SLC20A2: variants seen among roughly 807,000 people sequenced by gnomAD.
SLC20A2 encodes solute carrier family 20 member 2.
SLC20A2 carries 30 observed loss-of-function variants against 61.0 expected under a neutral mutation model. The observed-to-expected ratio is 0.49, with a 90% CI of 0.37 to 0.67. The LOEUF (loss-of-function observed/expected upper bound fraction) is 0.67. SLC20A2 is among the 30% of genes least tolerant of loss of function. The pLI is 0.00. For synonymous variants in SLC20A2, 351 were observed against 353.3 expected (o/e 0.99, Z 0.07); for missense variants, 626 against 866.4 (o/e 0.72, Z 3.48).
intron 1 of SLC20A2, among the ~76,000 whole-genome samples, chr8:42,525,354 G>C (rs1310588243): frequency 6.6e-6 from 1 of 152,066 alleles, no homozygotes; most frequent in African/African-American, 2.4e-5. Flanking sequence ...GACCGAGGTG[G>C]GTGGATCACT....
chr8:42,472,759 G>T lies in SLC20A2; in HGVS notation c.-264-105C>A. On this transcript the variant is annotated intron_variant, in intron 1 of 10. Coordinates refer to ENST00000520262, the MANE Select transcript of SLC20A2 (RefSeq NM_001257180.2). The surrounding 1 kb of genome is among the most constrained non-coding windows in gnomAD (Gnocchi z 4.1). ...AAGCCTGCTAATGGGATCTAACTTTGGCATGTGACGGACCTAACCATAAAG... is the reference window on the plus strand; with the variant it reads ...AAGCCTGCTAATGGGATCTAACTTTTGCATGTGACGGACCTAACCATAAAG... The T allele has an allele frequency of 5.5e-6, 1 of 181,574 alleles. No homozygotes were observed. The highest frequency in any genetic ancestry group is 1.2e-5 in the Non-Finnish European group (1 of 85,702). The allele number at this position is 181,574 out of a possible 1,614,324, so 11.2% of individuals were successfully genotyped here.
At chr8:42,449,984 C>T (rs1805515497) in intron 5 of SLC20A2, among the ~76,000 whole-genome samples, 1 of 152,238 alleles carries the variant, frequency 6.6e-6, no homozygotes, top group South Asian at 2.1e-4. Flanking sequence ...TGTGCACACA[C>T]ATGCACACAC....
intron 1 of SLC20A2, among the ~76,000 whole-genome samples, chr8:42,527,306 A>G: frequency 6.6e-6 from 1 of 151,358 alleles, no homozygotes; most frequent in East Asian, 1.9e-4. Context: ...GGGGAGGCTG[A>G]GCTTGCGGTG....
intron 1 of SLC20A2, among the ~76,000 whole-genome samples, chr8:42,473,664 G>C (rs377519384): frequency 2.6e-5 from 4 of 152,294 alleles, no homozygotes; most frequent in African/African-American, 9.6e-5. Context: ...AAATGTCACT[G>C]CAAGCTTCGT....
At chr8:42,533,654 C>CTTT (rs1162369065) in intron 1 of SLC20A2, among the ~76,000 whole-genome samples, 835 of 55,302 alleles carry the variant, frequency 0.015, 73 homozygotes, top group African/African-American at 0.058. Context: ...ATCAACTGTT[C>CTTT]TTTTTTTTTT....
chr8:42,530,775 G>A (rs1416263971), intron 1 of SLC20A2, among the ~76,000 whole-genome samples: 1 of 152,174 alleles, frequency 6.6e-6, no homozygotes, highest in Non-Finnish European at 1.5e-5. Context: ...GAGTGCAGTG[G>A]CATGATCTCA....
At chr8:42,523,160 G>A (rs540097252) in intron 1 of SLC20A2, among the ~76,000 whole-genome samples, 61 of 152,148 alleles carry the variant, frequency 4.0e-4, no homozygotes, top group African/African-American at 1.4e-3. Context: ...GTGAAACCCC[G>A]TCTCTACTAA....
chr8:42,529,905 A>G (rs1276131294), intron 1 of SLC20A2, among the ~76,000 whole-genome samples: 4 of 152,262 alleles, frequency 2.6e-5, no homozygotes, highest in African/African-American at 4.8e-5. Flanking sequence ...CCTTTTGATT[A>G]TAAGTGAAAT....
intron 4 of SLC20A2, 180 bp from the exon 5 acceptor site, chr8:42,460,172 T>C: frequency 3.9e-6 from 2 of 516,334 alleles, no homozygotes; most frequent in Non-Finnish European, 7.1e-6. Context: ...TGGCATTGGC[T>C]GGGGCCATCT....
chr8:42,488,208 CAG>C (rs1809199920), intron 1 of SLC20A2, among the ~76,000 whole-genome samples: 1 of 99,856 alleles, frequency 1.0e-5, no homozygotes. Flanking sequence ...TTTTTTGAGA[CAG>C]AGTCTCCCTT....
chr8:42,442,576 C>CT (rs1804866640), intron 6 of SLC20A2, among the ~76,000 whole-genome samples: 1 of 152,214 alleles, frequency 6.6e-6, no homozygotes, highest in African/African-American at 2.4e-5. Flanking sequence ...GTGTCTCTCT[C>CT]TTCCACACTG....
intron 2 of SLC20A2, among the ~76,000 whole-genome samples, chr8:42,469,689 G>T (rs1807472465): frequency 6.6e-6 from 1 of 152,090 alleles, no homozygotes; most frequent in Non-Finnish European, 1.5e-5. Flanking sequence ...CAGCACTTTG[G>T]GAGGCCAAGG....
intron 10 of SLC20A2, among the ~76,000 whole-genome samples, chr8:42,423,872 C>T (rs1803209504): frequency 6.6e-6 from 1 of 152,110 alleles, no homozygotes; most frequent in Non-Finnish European, 1.5e-5. Flanking sequence ...CAGTTTAAGG[C>T]CATCATCAGG....
At chr8:42,457,327 G>C (rs1250595854) in intron 5 of SLC20A2, among the ~76,000 whole-genome samples, 1 of 152,150 alleles carries the variant, frequency 6.6e-6, no homozygotes, top group African/African-American at 2.4e-5. Context: ...GCAGCAGGCT[G>C]CTGTTACCTG....
chr8:42,422,335 G>C (rs941876477), intron 10 of SLC20A2, among the ~76,000 whole-genome samples: 2 of 152,164 alleles, frequency 1.3e-5, no homozygotes, highest in African/African-American at 2.4e-5. Flanking sequence ...TTACAGGCAC[G>C]AGCCACCATG....
chr8:42,434,263 T>C (rs577149696), intron 8 of SLC20A2, among the ~76,000 whole-genome samples: 9 of 152,274 alleles, frequency 5.9e-5, no homozygotes, highest in Admixed American at 3.3e-4. Context: ...ATTTTTGTAT[T>C]TTTAGTAGAG....
intron 1 of SLC20A2, among the ~76,000 whole-genome samples, chr8:42,518,624 T>G (rs1200407509): frequency 6.6e-6 from 1 of 152,248 alleles, no homozygotes; most frequent in East Asian, 1.9e-4. Flanking sequence ...CCGTGTATAC[T>G]TTCACTTGTT....
At chr8:42,528,948 T>C (rs1434692886) in intron 1 of SLC20A2, among the ~76,000 whole-genome samples, 2 of 149,336 alleles carry the variant, frequency 1.3e-5, no homozygotes, top group Non-Finnish European at 3.0e-5. Context: ...ATTACAGGCA[T>C]GAGCCACCGA....
upstream of SLC20A2, among the ~76,000 whole-genome samples, chr8:42,503,545 A>C (rs1017059789): frequency 7.2e-5 from 11 of 152,236 alleles, no homozygotes; most frequent in African/African-American, 2.7e-4. Flanking sequence ...AGGTAAAATT[A>C]ATTTAATAAT....
Sources: gnomAD v4.1 joint callset for allele counts (sites outside exome capture counted in the v4.1 genomes callset) on GRCh38, gnomAD v4.1.1 for gene constraint, Gnocchi (gnomAD v3.1) non-coding constraint, MANE v1.5 for transcripts, NCBI Gene and HGNC (gene_info 2026-07-23, HGNC 2026-07-21) for gene names.